Variants in ZFAT observed in about 807,000 individuals in gnomAD.
ZFAT encodes the protein zinc finger and AT-hook domain containing, also known as zinc finger protein ZFAT.
ZFAT carries 64 observed loss-of-function variants against 117.7 expected under a neutral mutation model. The ratio of observed to expected loss-of-function variants is 0.54; its 90% CI spans 0.44 to 0.67. The LOEUF is 0.67. ZFAT is among the 30% of genes least tolerant of loss of function. The probability of loss-of-function intolerance (pLI) is 0.00; values close to 1 mark genes in which losing one functional copy is unlikely to be tolerated. For synonymous variants in ZFAT, 679 were observed against 615.0 expected (o/e 1.10, Z -1.54); for missense variants, 1,433 against 1,584.5 (o/e 0.90, Z 1.62).
intron 10 of ZFAT, among the ~76,000 whole-genome samples, chr8:134,568,297 G>A (rs978594682): frequency 8.5e-5 from 13 of 152,178 alleles, no homozygotes; most frequent in African/African-American, 2.7e-4. Context: ...TACAATTAGA[G>A]AGCAATTAGA....
the ZFAT span, among the ~76,000 whole-genome samples, chr8:134,744,527 C>A: frequency 0.012 from 1,801 of 151,736 alleles, 40 homozygotes; most frequent in African/African-American, 0.042. Context: ...AACTCCTGAC[C>A]TCAAGTGATC....
intron 1 of ZFAT, among the ~76,000 whole-genome samples, chr8:134,680,753 G>T (rs547337827): frequency 6.6e-6 from 1 of 152,322 alleles, no homozygotes; most frequent in South Asian, 2.1e-4. Context: ...CAAGGATGGT[G>T]ATGGTTACAT....
At chr8:134,485,426 G>T (rs1817597219) in intron 15 of ZFAT, among the ~76,000 whole-genome samples, 1 of 152,156 alleles carries the variant, frequency 6.6e-6, no homozygotes, top group Non-Finnish European at 1.5e-5. Flanking sequence ...GACACTGATG[G>T]ACTCCTCTGT....
chr8:134,821,750 G>C, the ZFAT span, among the ~76,000 whole-genome samples: 1 of 151,998 alleles, frequency 6.6e-6, no homozygotes, highest in Non-Finnish European at 1.5e-5. Context: ...CTAAAACAAG[G>C]AAAAGTGGAT....
intron 1 of ZFAT, among the ~76,000 whole-genome samples, chr8:134,694,692 T>A (rs1024033010): frequency 6.6e-6 from 1 of 152,160 alleles, no homozygotes; most frequent in African/African-American, 2.4e-5. Context: ...AAGCTCCAGA[T>A]CCATGGTCTT....
At chr8:134,713,238 C>T (rs916751236), upstream of ZFAT, among the ~76,000 whole-genome samples, 3 of 152,206 alleles carry the variant, frequency 2.0e-5, no homozygotes, top group East Asian at 3.9e-4. Flanking sequence ...TCGGGAGGTC[C>T]GGAGCGCGGA....
At chr8:134,553,040 T>C (rs1823295920) in intron 11 of ZFAT, among the ~76,000 whole-genome samples, 1 of 152,128 alleles carries the variant, frequency 6.6e-6, no homozygotes, top group African/African-American at 2.4e-5. Context: ...GAGGTAGTGA[T>C]GAGGAAAGAA....
chr8:134,738,560 C>A, the ZFAT span, among the ~76,000 whole-genome samples: 1 of 152,130 alleles, frequency 6.6e-6, no homozygotes, highest in Non-Finnish European at 1.5e-5. Context: ...GGAGGTTGTC[C>A]TGAAAAGATA....
At chr8:134,534,632 G>GGGGAGAGA (rs574842512) in intron 11 of ZFAT, among the ~76,000 whole-genome samples, 2 of 148,952 alleles carry the variant, frequency 1.3e-5, no homozygotes, top group Non-Finnish European at 3.0e-5. Flanking sequence ...GAGAGGACAG[G>GGGGAGAGA]GGGAGAGAGG....
intron 2 of ZFAT, among the ~76,000 whole-genome samples, chr8:134,642,581 G>A (rs1830645788): frequency 6.6e-6 from 1 of 152,186 alleles, no homozygotes; most frequent in Non-Finnish European, 1.5e-5. Flanking sequence ...ATTTCTTGAT[G>A]TACATGCATT....
intron 1 of ZFAT, among the ~76,000 whole-genome samples, chr8:134,661,753 A>T (rs1329293213): frequency 2.6e-5 from 4 of 152,186 alleles, no homozygotes; most frequent in African/African-American, 9.7e-5. Context: ...GGCCAACAAC[A>T]GAGACAGGGG....
At chr8:134,500,954 C>T (rs1032971666) in intron 15 of ZFAT, among the ~76,000 whole-genome samples, 11 of 152,276 alleles carry the variant, frequency 7.2e-5, no homozygotes, top group Middle Eastern at 3.4e-3. Context: ...GGCAGAGGCC[C>T]GGGATCAAAT....
intron 1 of ZFAT, among the ~76,000 whole-genome samples, chr8:134,661,090 G>A (rs1163557631): frequency 6.6e-6 from 1 of 152,236 alleles, no homozygotes; most frequent in Non-Finnish European, 1.5e-5. Context: ...CATGAGAGTG[G>A]GGTGGATACC....
At chr8:134,713,209 C>A (rs1324248213), upstream of ZFAT, among the ~76,000 whole-genome samples, 1 of 152,164 alleles carries the variant, frequency 6.6e-6, no homozygotes, top group Non-Finnish European at 1.5e-5. Flanking sequence ...CGTTTTGAGC[C>A]ACGCCCAGGG....
the ZFAT span, among the ~76,000 whole-genome samples, chr8:134,724,351 T>C: frequency 6.6e-6 from 1 of 152,272 alleles, no homozygotes; most frequent in Non-Finnish European, 1.5e-5. Context: ...TGTCAATAGA[T>C]ACAGCATGGA....
rs181054640 is a variant in ZFAT at position 134,569,883 on chromosome 8, G to C, written c.2888-4462C>G. 5.2e-3 allele frequency among the ~76,000 whole-genome samples: 798 copies of C among 152,312 alleles called. 4 individuals carry two copies. The highest frequency in any genetic ancestry group is 6.7e-3 in the Admixed American group (103 of 15,300). On this transcript the variant is annotated intron_variant, in intron 10 of 15. Coordinates refer to ENST00000377838, the MANE Select transcript of ZFAT (RefSeq NM_020863.4). ...AGCATAAAAGCAGAGCAAAGGAAAA[G>C]GTTTGTACAACTATATCAAAGTGTA...
intron 1 of ZFAT, among the ~76,000 whole-genome samples, chr8:134,683,064 A>G (rs1833147585): frequency 6.6e-6 from 1 of 152,246 alleles, no homozygotes. Flanking sequence ...TAACATATTG[A>G]GTTTGTTGGA....
chr8:134,658,681 T>C (rs1831773003), intron 1 of ZFAT, among the ~76,000 whole-genome samples: 1 of 152,226 alleles, frequency 6.6e-6, no homozygotes, highest in African/African-American at 2.4e-5. Flanking sequence ...ATATACAAAA[T>C]ATTAAATTCA....
chr8:134,807,393 CAATT>C, the ZFAT span, among the ~76,000 whole-genome samples: 1 of 151,888 alleles, frequency 6.6e-6, no homozygotes, highest in Non-Finnish European at 1.5e-5. Flanking sequence ...CATAAGAAAA[CAATT>C]AACAGGAAAC....
Sources: gnomAD v4.1 joint callset for allele counts (sites outside exome capture counted in the v4.1 genomes callset) on GRCh38, gnomAD v4.1.1 for gene constraint, MANE v1.5 for transcripts, NCBI Gene and HGNC (gene_info 2026-07-23, HGNC 2026-07-21) for gene names.